Variants in GRIK5 observed in about 807,000 individuals in gnomAD.
GRIK5 encodes glutamate receptor ionotropic, kainate 5.
In GRIK5, 43 loss-of-function variants were observed where a neutral mutation model predicts 97.4. The observed-to-expected ratio is 0.44, with a 90% confidence interval of 0.35 to 0.57. The LOEUF is 0.57. Ranked by LOEUF, GRIK5 falls within the 20% of genes least tolerant of loss-of-function variation. The pLI, the probability that GRIK5 is intolerant of heterozygous loss-of-function variation, is 0.01. For missense variants in GRIK5, 1,015 were observed against 1,382.0 expected (o/e 0.73, Z 4.21); for synonymous variants, 580 against 583.5 (o/e 0.99, Z 0.09).
At chr19:42,017,911 C>A (rs940252034) in intron 15 of GRIK5, among the ~76,000 whole-genome samples, 1 of 152,000 alleles carries the variant, frequency 6.6e-6, no homozygotes, top group Admixed American at 6.6e-5. Context: ...CGAGTGAAAG[C>A]AGGAAGGGCT....
In GRIK5 at chr19:42,002,045, G is replaced by A; in HGVS notation, c.2514+1287C>T. The A allele has an allele frequency of 1.5e-6, 1 of 656,668 alleles. No homozygotes were observed. Among genetic ancestry groups the A allele is most frequent in the Non-Finnish European group, 2.8e-6 (1 of 357,224 alleles). The allele number at this position is 656,668 out of a possible 1,614,324, so 40.7% of individuals were successfully genotyped here. ...GGAGAAGGGGAAGAAGGGGCTTTGA[G>A]GATTGAGAGTGACTGGCTGTGCCGA... On this transcript the variant is annotated intron_variant, in intron 19 of 19. Transcript: ENST00000593562. This position sits in a 1 kb window ranked among gnomAD's most constrained non-coding sequence, Gnocchi z 5.2.
chr19:42,040,764 G>A (rs1437925677), intron 12 of GRIK5, among the ~76,000 whole-genome samples: 1 of 152,176 alleles, frequency 6.6e-6, no homozygotes, highest in Non-Finnish European at 1.5e-5. Flanking sequence ...CGAGGCAGGA[G>A]AATCGCTTGA....
At chr19:42,040,591 C>T (rs1472504048) in intron 12 of GRIK5, among the ~76,000 whole-genome samples, 2 of 152,074 alleles carry the variant, frequency 1.3e-5, no homozygotes, top group African/African-American at 2.4e-5. Flanking sequence ...GGTGTGGTGT[C>T]TCATACTTGT....
Position 42,059,253 on chromosome 19 carries a change from T to A in GRIK5, c.687+96A>T, listed in dbSNP as rs2146164908. On this transcript the variant is annotated intron_variant, in intron 6 of 19. Coordinates refer to ENST00000593562, the MANE Select transcript of GRIK5 (RefSeq NM_002088.5). Reference sequence around the variant, plus strand: ...GGAAGAAGAAGGTCTTGAAGCCCCCTTTTGACTCCTGAGGCCCATGGGCAT... The same window carrying A: ...GGAAGAAGAAGGTCTTGAAGCCCCCATTTGACTCCTGAGGCCCATGGGCAT... 6 of 908,028 alleles carry A rather than the reference T, an allele frequency of 6.6e-6. No individual in the cohort carries two copies. The East Asian group carries it at 1.5e-4, about 22-fold the overall frequency. The allele number at this position is 908,028 out of a possible 1,614,324, so 56.2% of individuals were successfully genotyped here.
In GRIK5 at chr19:42,018,707, C is replaced by T. The variant is rs946815078; in HGVS notation, c.1871+2594G>A. Among the ~76,000 whole-genome samples the T allele has an allele frequency of 1.1e-4, 13 of 120,552 alleles. No individual in the cohort carries two copies. In the Admixed American group the frequency reaches 1.1e-3, roughly 10 times the overall value. The allele number at this position is 120,552 out of a possible 152,430, so 79.1% of individuals were successfully genotyped here. ...GGGGGGAGGAAAAGAAACGTTAACT[C>T]CTGAGGCAGAGCTGTCCTGAATAGT... On this transcript the variant is annotated intron_variant, in intron 15 of 19. Transcript: ENST00000593562.
intron 15 of GRIK5, among the ~76,000 whole-genome samples, chr19:42,007,698 A>G (rs1447051948): frequency 3.3e-5 from 5 of 152,138 alleles, no homozygotes; most frequent in Non-Finnish European, 7.4e-5. Context: ...GCATGGGGTG[A>G]AACTCTGTGG....
chr19:42,045,515 T>G (rs942878868), intron 11 of GRIK5, among the ~76,000 whole-genome samples: 1 of 152,156 alleles, frequency 6.6e-6, no homozygotes, highest in Non-Finnish European at 1.5e-5. Flanking sequence ...AATAATCAAC[T>G]GCTATTGTTT....
intron 12 of GRIK5, among the ~76,000 whole-genome samples, chr19:42,023,961 C>G (rs914221557): frequency 1.3e-5 from 2 of 152,250 alleles, no homozygotes; most frequent in South Asian, 2.1e-4. Context: ...CCCTGGCGAC[C>G]TAGGGCTCAG....
rs1555870432 is a variant in GRIK5 at position 41,999,338 on chromosome 19, C to T, written c.2515-39G>A. On this transcript the variant is annotated intron_variant, in intron 19 of 19. Coordinates refer to ENST00000593562, the MANE Select transcript of GRIK5 (RefSeq NM_002088.5). This position sits in a 1 kb window ranked among gnomAD's most constrained non-coding sequence, Gnocchi z 5.0. ...GGGCGGTCACCGTCCCGGCGCAGTC[C>T]GCCTCCCGCCTCCCCCAGCCCCTCT... is the stretch of plus-strand genomic sequence containing the variant. 8 of 1,425,496 alleles carry T rather than the reference C, an allele frequency of 5.6e-6. No homozygotes were observed. The highest frequency in any genetic ancestry group is 1.5e-5 in the African/African-American group (1 of 67,128). 88.3% of individuals were successfully genotyped at this position (1,425,496 alleles called of 1,614,324 possible). A position where few individuals can be genotyped will look rare whatever the true frequency, so the allele number is the denominator to read the frequency against.
chr19:42,043,520 C>T (rs1479616303), intron 11 of GRIK5, among the ~76,000 whole-genome samples: 1 of 151,640 alleles, frequency 6.6e-6, no homozygotes, highest in Non-Finnish European at 1.5e-5. Context: ...ATTCTCCTGC[C>T]TCACCCCCGC....
At chr19:42,060,866 A>G (rs2076249443) in intron 5 of GRIK5, among the ~76,000 whole-genome samples, 1 of 151,988 alleles carries the variant, frequency 6.6e-6, no homozygotes, top group South Asian at 2.1e-4. Flanking sequence ...ACCATTCTTC[A>G]TAAGTCATTT....
intron 3 of GRIK5, among the ~76,000 whole-genome samples, chr19:42,063,765 G>A (rs1291385567): frequency 6.6e-6 from 1 of 152,192 alleles, no homozygotes; most frequent in Non-Finnish European, 1.5e-5. Context: ...ATCCAGCCAT[G>A]CCTGAAACAA....
Position 42,065,970 on chromosome 19 carries a change from C to G in GRIK5, c.-50-150G>C. On this transcript the variant is annotated intron_variant, in intron 1 of 19. Transcript: ENST00000593562. This position sits in a 1 kb window ranked among gnomAD's most constrained non-coding sequence, Gnocchi z 5.8. ...TGCAGAGCCCTGCTCTGTTTAGAAG[C>G]TGGCAATACTGAGGGCATTGCAAGA... 1.7e-6 allele frequency: 1 copy of G among 591,564 alleles called. No homozygotes were observed. Among genetic ancestry groups the G allele is most frequent in the South Asian group, 2.0e-5 (1 of 50,544 alleles). 36.6% of individuals were successfully genotyped at this position (591,564 alleles called of 1,614,324 possible).
At chr19:42,064,764 T>C (rs1186092487) in intron 3 of GRIK5, among the ~76,000 whole-genome samples, 1 of 152,212 alleles carries the variant, frequency 6.6e-6, no homozygotes, top group Non-Finnish European at 1.5e-5. Context: ...CCCATCAGTA[T>C]TCCATAGACA....
At chr19:42,043,676 T>C (rs1031634398) in intron 11 of GRIK5, among the ~76,000 whole-genome samples, 3 of 152,018 alleles carry the variant, frequency 2.0e-5, no homozygotes, top group Non-Finnish European at 4.4e-5. Context: ...CCTCCCAAAG[T>C]GCAGGTGTGA....
At chr19:42,066,739 A>C (rs1313299981) in intron 1 of GRIK5, among the ~76,000 whole-genome samples, 1 of 151,966 alleles carries the variant, frequency 6.6e-6, no homozygotes, top group African/African-American at 2.4e-5. Flanking sequence ...AGGACAGAGC[A>C]GGGAGCGGAG....
intron 12 of GRIK5, among the ~76,000 whole-genome samples, chr19:42,033,313 G>A (rs1051018058): frequency 3.5e-5 from 4 of 114,358 alleles, no homozygotes; most frequent in East Asian, 2.8e-4. Flanking sequence ...GCAAGACTCC[G>A]TCTCAAAAAA....
chr19:42,069,738 A>C lies in GRIK5; in HGVS notation c.-548T>G. Among the ~76,000 whole-genome samples, 2 of 92,928 alleles carry C rather than the reference A, an allele frequency of 2.2e-5. No individual in the cohort carries two copies. Among genetic ancestry groups the C allele is most frequent in the Non-Finnish European group, 4.5e-5 (2 of 44,486 alleles). The allele number at this position is 92,928 out of a possible 152,430, so 61.0% of individuals were successfully genotyped here. On this transcript the variant is annotated 5_prime_UTR_variant, in exon 1 of 20. Transcript: ENST00000593562. ...GGGGGAGGGGAGGGCCTGCTGGGGG[A>C]GGGGGCCGCCCCCTTTCCCCCTCCC...
rs1555872751 is a variant in GRIK5 at position 42,006,666 on chromosome 19, G to T, written c.2016C>A (p.Gly672=). 12 of 1,613,860 alleles carry T rather than the reference G, an allele frequency of 7.4e-6. No individual in the cohort carries two copies. Among genetic ancestry groups the T allele is most frequent in the Non-Finnish European group, 1.0e-5 (12 of 1,179,988 alleles). The change falls in exon 16 of 20, where the codon GGC becomes GGA. Residue 672 remains glycine, a synonymous_variant. Transcript: ENST00000593562. The surrounding 1 kb of genome is among the most constrained non-coding windows in gnomAD (Gnocchi z 5.3). ...TNIEYGTIHA[G]STMTFFQNSR... is the part of the protein sequence containing the mutation. ...CCACCTGGAAGAAGGTCATGGTGGA[G>T]CCGGCGTGGATGGTGCCATACTCGA...
Sources: gnomAD v4.1 joint callset for allele counts (sites outside exome capture counted in the v4.1 genomes callset) on GRCh38, gnomAD v4.1.1 for gene constraint, Gnocchi (gnomAD v3.1) non-coding constraint, MANE v1.5 for transcripts, NCBI Gene and HGNC (gene_info 2026-07-23, HGNC 2026-07-21) for gene names.